APBB2: variants seen among roughly 807,000 people sequenced by gnomAD.
APBB2 encodes the protein amyloid beta precursor protein binding family B member 2.
Under a neutral mutation model 82.5 loss-of-function variants are expected in APBB2, and 38 were observed. The ratio of observed to expected loss-of-function variants is 0.46; its 90% confidence interval spans 0.36 to 0.60. The LOEUF is 0.60. Among genes scored for constraint, APBB2 ranks in the 20% least tolerant of loss-of-function variants. APBB2 has a pLI of 0.00. For missense variants in APBB2, 772 were observed against 972.3 expected (o/e 0.79, Z 2.74); for synonymous variants, 341 against 368.2 (o/e 0.93, Z 0.85).
chr4:41,184,498 GC>G (rs915535989), intron 1 of APBB2, among the ~76,000 whole-genome samples: 4 of 152,086 alleles, frequency 2.6e-5, no homozygotes, highest in African/African-American at 9.7e-5. Context: ...AGACCACTCT[GC>G]CCCAGAGCCC....
chr4:40,852,351 CAAA>C (rs771660810), intron 12 of APBB2, among the ~76,000 whole-genome samples: 15 of 93,978 alleles, frequency 1.6e-4, no homozygotes, highest in Middle Eastern at 5.2e-3. Flanking sequence ...ACTCTGTCTT[CAAA>C]AAAAAAAAAA....
At position 40,908,000 on chromosome 4, in the gene APBB2, GTGTA is replaced by G. The variant is rs1777516716; in HGVS notation, c.1255-14593_1255-14590del. On this transcript the variant is annotated intron_variant, in intron 10 of 17. Coordinates refer to ENST00000508593, the MANE Select transcript of APBB2 (RefSeq NM_004307.2). ...CTGTGTGGTGTGTGTGTGTGTATGT[GTGTA>G]TGTGTATGTGGTGTGTGTGTGTGGC... is the stretch of plus-strand genomic sequence containing the variant. 2.0e-5 allele frequency among the ~76,000 whole-genome samples: 3 copies of G among 151,760 alleles called. No individual in the cohort carries two copies. The South Asian group carries it at 6.3e-4, about 32-fold the overall frequency.
At chr4:40,986,226 G>C (rs1266025437) in intron 6 of APBB2, among the ~76,000 whole-genome samples, 1 of 152,120 alleles carries the variant, frequency 6.6e-6, no homozygotes. Flanking sequence ...CAATCCAGAA[G>C]CAAGATATAA....
chr4:40,873,175 A>C (rs1417265280), intron 12 of APBB2, among the ~76,000 whole-genome samples: 1 of 152,068 alleles, frequency 6.6e-6, no homozygotes, highest in African/African-American at 2.4e-5. Context: ...TCTGTGGTAT[A>C]ATCTGCTCTA....
chr4:40,828,591 T>C (rs927466216), intron 13 of APBB2, among the ~76,000 whole-genome samples: 2 of 152,238 alleles, frequency 1.3e-5, no homozygotes, highest in African/African-American at 4.8e-5. Context: ...CTTTTTTTTT[T>C]CTGTTTTGGT....
At chr4:41,078,573 G>A (rs987705960) in intron 3 of APBB2, among the ~76,000 whole-genome samples, 5 of 152,212 alleles carry the variant, frequency 3.3e-5, no homozygotes, top group African/African-American at 1.2e-4. Context: ...GGACCACAGT[G>A]TGAGAGGTCA....
intron 6 of APBB2, among the ~76,000 whole-genome samples, chr4:40,957,662 C>A (rs1404760719): frequency 6.6e-6 from 1 of 151,220 alleles, no homozygotes; most frequent in East Asian, 1.9e-4. Flanking sequence ...CGGCTCACTG[C>A]AACCTCTGCC....
At chr4:41,204,970 C>T (rs1453198192) in intron 1 of APBB2, among the ~76,000 whole-genome samples, 1 of 152,172 alleles carries the variant, frequency 6.6e-6, no homozygotes, top group African/African-American at 2.4e-5. Context: ...AGCTCACATC[C>T]CTGTGGAAAG....
intron 3 of APBB2, among the ~76,000 whole-genome samples, chr4:41,082,137 G>C (rs928553892): frequency 1.3e-5 from 2 of 152,280 alleles, no homozygotes; most frequent in East Asian, 1.9e-4. Flanking sequence ...GATAGGTCAG[G>C]AGGGGCCATT....
chr4:41,154,692 A>C (rs1393221647), intron 1 of APBB2, among the ~76,000 whole-genome samples: 1 of 152,232 alleles, frequency 6.6e-6, no homozygotes, highest in Non-Finnish European at 1.5e-5. Flanking sequence ...ATACTGGTTC[A>C]GAATAAACCT....
chr4:41,060,763 G>T (rs1729522603), intron 4 of APBB2, among the ~76,000 whole-genome samples: 1 of 151,820 alleles, frequency 6.6e-6, no homozygotes, highest in Admixed American at 6.5e-5. Flanking sequence ...GCAAAAGCAG[G>T]ATTTTAGCGG....
chr4:41,183,472 T>C (rs906715650), intron 1 of APBB2, among the ~76,000 whole-genome samples: 3 of 152,120 alleles, frequency 2.0e-5, no homozygotes, highest in African/African-American at 7.2e-5. Flanking sequence ...TTAGTTAAGA[T>C]GAGGTCATTT....
At chr4:40,876,738 T>C (rs911990212) in intron 12 of APBB2, among the ~76,000 whole-genome samples, 2 of 152,250 alleles carry the variant, frequency 1.3e-5, no homozygotes, top group African/African-American at 4.8e-5. Flanking sequence ...TTTTTCATTG[T>C]TGTATTTTTT....
At chr4:41,113,694 G>T (rs1749988714) in intron 2 of APBB2, among the ~76,000 whole-genome samples, 1 of 152,106 alleles carries the variant, frequency 6.6e-6, no homozygotes. Context: ...GTAATATTTG[G>T]GGACTACTGT....
chr4:41,172,325 C>T (rs549657535), intron 1 of APBB2, among the ~76,000 whole-genome samples: 3 of 151,852 alleles, frequency 2.0e-5, no homozygotes, highest in South Asian at 2.1e-4. Context: ...CACCCCCATC[C>T]GCCAGCCCCC....
At position 41,068,942 on chromosome 4, in the gene APBB2, C is replaced by T. The variant is rs113797511; in HGVS notation, c.-148-3269G>A. On this transcript the variant is annotated intron_variant, in intron 3 of 17. Coordinates refer to ENST00000508593, the MANE Select transcript of APBB2 (RefSeq NM_004307.2). Reference sequence around the variant, plus strand: ...TCCTGAGTAGCTGGGATTACAGGCACATGCCACCATGCCCAGCTATTTTTT... The same window carrying T: ...TCCTGAGTAGCTGGGATTACAGGCATATGCCACCATGCCCAGCTATTTTTT... Among the ~76,000 whole-genome samples the T allele has an allele frequency of 7.5e-3, 1,143 of 152,072 alleles. 17 individuals carry two copies. Among genetic ancestry groups the T allele is most frequent in the African/African-American group, 0.026 (1,069 of 41,484 alleles).
intron 1 of APBB2, 111 bp downstream of exon 1, chr4:41,214,294 G>C (rs1173931167): frequency 6.6e-6 from 1 of 152,294 alleles, no homozygotes; most frequent in Non-Finnish European, 1.5e-5. Flanking sequence ...AAGCCGCCGG[G>C]GGAACCCGCA....
chr4:40,944,315 A>G (rs1399013667), intron 7 of APBB2, among the ~76,000 whole-genome samples: 3 of 152,194 alleles, frequency 2.0e-5, no homozygotes, highest in Non-Finnish European at 2.9e-5. Context: ...TTCCTCAGGG[A>G]CAGCAGAAAT....
chr4:41,187,948 TGAGA>T (rs1255270348), intron 1 of APBB2, among the ~76,000 whole-genome samples: 1 of 152,210 alleles, frequency 6.6e-6, no homozygotes, highest in Non-Finnish European at 1.5e-5. Context: ...TTTTCCCAAA[TGAGA>T]TCCTCAATAG....
Sources: allele counts gnomAD v4.1 joint callset (sites outside exome capture counted in the v4.1 genomes callset), GRCh38; gene constraint gnomAD v4.1.1; transcripts MANE v1.5; gene names NCBI Gene and HGNC (gene_info 2026-07-23, HGNC 2026-07-21).